Variants in LHFPL3 observed in about 807,000 individuals in gnomAD.
The protein encoded by LHFPL3 is LHFPL tetraspan subfamily member 3, also known as LHFPL tetraspan subfamily member 3 protein.
LHFPL3 carries 5 observed loss-of-function variants against 19.3 expected under a neutral mutation model. That is an observed-to-expected ratio of 0.26 (90% CI 0.14 to 0.54). The LOEUF (loss-of-function observed/expected upper bound fraction) is 0.54. Ranked by LOEUF, LHFPL3 falls within the 20% of genes least tolerant of loss-of-function variation. The probability of loss-of-function intolerance (pLI) is 0.94; values close to 1 mark genes in which losing one functional copy is unlikely to be tolerated. For missense variants in LHFPL3, 249 were observed against 307.4 expected (o/e 0.81, Z 1.42); for synonymous variants, 133 against 126.2 (o/e 1.05, Z -0.36).
At chr7:104,447,182 T>A (rs1792345940) in intron 1 of LHFPL3, among the ~76,000 whole-genome samples, 1 of 152,096 alleles carries the variant, frequency 6.6e-6, no homozygotes, top group African/African-American at 2.4e-5. Flanking sequence ...ATAAAATTGC[T>A]TTCAGCTTGA....
At chr7:104,871,166 T>C (rs1318081083) in intron 2 of LHFPL3, among the ~76,000 whole-genome samples, 4 of 152,230 alleles carry the variant, frequency 2.6e-5, no homozygotes, top group African/African-American at 4.8e-5. Flanking sequence ...TACACAGACA[T>C]AGACGGTCTA....
intron 2 of LHFPL3, among the ~76,000 whole-genome samples, chr7:104,896,531 C>T (rs1193230431): frequency 6.6e-6 from 1 of 152,194 alleles, no homozygotes; most frequent in African/African-American, 2.4e-5. Flanking sequence ...CCCAGGGAAG[C>T]AACCTAAGAT....
intron 1 of LHFPL3, among the ~76,000 whole-genome samples, chr7:104,338,093 C>CTTTTTTTTTTTTTTTTTTTTT (rs71296520): frequency 5.8e-5 from 5 of 85,846 alleles, no homozygotes; most frequent in Non-Finnish European, 6.2e-5. Flanking sequence ...TTTCCTTTTT[C>CTTTTTTTTTTTTTTTTTTTTT]TTTTTTTTTT....
Position 104,693,624 on chromosome 7 carries a change from A to C in LHFPL3, c.446-43051A>C, listed in dbSNP as rs181197124. 6.6e-5 allele frequency among the ~76,000 whole-genome samples: 10 copies of C among 151,820 alleles called. No individual in the cohort carries two copies. In the East Asian group the frequency reaches 1.9e-3, roughly 29 times the overall value. On this transcript the variant is annotated intron_variant, in intron 1 of 2. Coordinates refer to ENST00000424859, the MANE Select transcript of LHFPL3 (RefSeq NM_199000.3). ...GCTGCCCTGTGAAGAGGTGCCTCCC[A>C]CCATGATTGTAAGTTTCCTAAGGCC...
chr7:104,461,262 T>C (rs1792657678), intron 1 of LHFPL3, among the ~76,000 whole-genome samples: 1 of 152,230 alleles, frequency 6.6e-6, no homozygotes, highest in African/African-American at 2.4e-5. Context: ...ACTGCCTCCA[T>C]GATTCAATTA....
intron 1 of LHFPL3, among the ~76,000 whole-genome samples, chr7:104,561,715 T>A (rs1251141511): frequency 1.3e-5 from 2 of 152,032 alleles, no homozygotes; most frequent in African/African-American, 4.8e-5. Context: ...GTGAATTTGA[T>A]CCTGTCATTA....
intron 2 of LHFPL3, among the ~76,000 whole-genome samples, chr7:104,827,165 T>G (rs945143795): frequency 6.6e-6 from 1 of 152,036 alleles, no homozygotes; most frequent in African/African-American, 2.4e-5. Context: ...ATGTGAGCAC[T>G]GACAAATCAT....
At chr7:104,798,351 T>C (rs1036916870) in intron 2 of LHFPL3, 1 of 152,210 alleles carries the variant, frequency 6.6e-6, no homozygotes, top group African/African-American at 2.4e-5. Flanking sequence ...ATCAAAAAAA[T>C]CTGAATTCAT....
At chr7:104,596,245 A>G (rs1294320745) in intron 1 of LHFPL3, among the ~76,000 whole-genome samples, 1 of 152,218 alleles carries the variant, frequency 6.6e-6, no homozygotes, top group African/African-American at 2.4e-5. Context: ...AGACCTTCTC[A>G]TGGCTCATAA....
chr7:104,563,259 T>C (rs1790048629), intron 1 of LHFPL3, among the ~76,000 whole-genome samples: 1 of 152,278 alleles, frequency 6.6e-6, no homozygotes, highest in Admixed American at 6.5e-5. Flanking sequence ...GCCTGGGCAA[T>C]GGCGGGCGCC....
chr7:104,575,426 T>C (rs1036178707), intron 1 of LHFPL3, among the ~76,000 whole-genome samples: 4 of 152,084 alleles, frequency 2.6e-5, no homozygotes, highest in African/African-American at 9.7e-5. Flanking sequence ...AAATTGAGTA[T>C]AAGTAGCTAG....
chr7:104,384,765 C>CAACA (rs992080423), intron 1 of LHFPL3, among the ~76,000 whole-genome samples: 2 of 102,808 alleles, frequency 1.9e-5, no homozygotes, highest in African/African-American at 4.0e-5. Flanking sequence ...CCAGCCTAGG[C>CAACA]AACAAGAGTG....
At chr7:104,459,619 A>G (rs1037888344) in intron 1 of LHFPL3, among the ~76,000 whole-genome samples, 2 of 152,212 alleles carry the variant, frequency 1.3e-5, no homozygotes, top group South Asian at 2.1e-4. Flanking sequence ...TGTGTAACAC[A>G]TCACTCAAGC....
intron 1 of LHFPL3, among the ~76,000 whole-genome samples, chr7:104,516,099 C>G (rs1456405820): frequency 2.6e-5 from 4 of 152,096 alleles, no homozygotes; most frequent in Non-Finnish European, 4.4e-5. Flanking sequence ...TTAGTTGACT[C>G]ACAGTTCAGC....
At chr7:104,806,176 A>G (rs1294591693) in intron 2 of LHFPL3, among the ~76,000 whole-genome samples, 1 of 152,230 alleles carries the variant, frequency 6.6e-6, no homozygotes, top group African/African-American at 2.4e-5. Context: ...AAGCTCACTC[A>G]TCTTTATCTA....
At chr7:104,707,000 C>T (rs1405133215) in intron 1 of LHFPL3, among the ~76,000 whole-genome samples, 1 of 152,132 alleles carries the variant, frequency 6.6e-6, no homozygotes, top group Non-Finnish European at 1.5e-5. Flanking sequence ...CAGTGTATGA[C>T]AATGAGAAAA....
At chr7:104,616,384 G>A (rs2115779124) in intron 1 of LHFPL3, among the ~76,000 whole-genome samples, 1 of 152,234 alleles carries the variant, frequency 6.6e-6, no homozygotes, top group Admixed American at 6.5e-5. Flanking sequence ...ACAAGAAATG[G>A]GGAAAGGATT....
At chr7:104,552,194 A>G (rs571388970) in intron 1 of LHFPL3, among the ~76,000 whole-genome samples, 1 of 152,336 alleles carries the variant, frequency 6.6e-6, no homozygotes, top group East Asian at 1.9e-4. Flanking sequence ...TCAAAGACGC[A>G]CCAGGCAGCA....
chr7:104,549,100 A>G (rs1384445269), intron 1 of LHFPL3, among the ~76,000 whole-genome samples: 1 of 152,108 alleles, frequency 6.6e-6, no homozygotes, highest in Non-Finnish European at 1.5e-5. Flanking sequence ...AACAGGAAGT[A>G]ATGAAGGAAC....
Sources: gnomAD v4.1 joint callset for allele counts (sites outside exome capture counted in the v4.1 genomes callset) on GRCh38, gnomAD v4.1.1 for gene constraint, MANE v1.5 for transcripts, NCBI Gene and HGNC (gene_info 2026-07-23, HGNC 2026-07-21) for gene names.